Variants in SEPTIN9 observed in about 807,000 individuals in gnomAD.
SEPTIN9 encodes the protein septin 9.
In SEPTIN9, 13 loss-of-function variants were observed where a neutral mutation model predicts 56.6. The observed-to-expected ratio is 0.23, with a 90% CI of 0.15 to 0.37. The LOEUF is 0.37. Ranked by LOEUF, SEPTIN9 falls within the 10% of genes least tolerant of loss-of-function variation. SEPTIN9 has a pLI of 1.00. For missense variants in SEPTIN9, 650 were observed against 823.1 expected, an observed-to-expected ratio of 0.79 and a Z score of 2.57; for synonymous variants, 332 against 334.1, an observed-to-expected ratio of 0.99 and a Z score of 0.07.
At chr17:77,495,587 TGA>T (rs1481609924) in intron 10 of SEPTIN9, among the ~76,000 whole-genome samples, 1 of 152,170 alleles carries the variant, frequency 6.6e-6, no homozygotes, top group African/African-American at 2.4e-5. Flanking sequence ...ATGAGGAAAC[TGA>T]GGGAATGAGA....
chr17:77,385,355 C>A (rs1315856981), intron 2 of SEPTIN9, among the ~76,000 whole-genome samples: 1 of 151,462 alleles, frequency 6.6e-6, no homozygotes, highest in Non-Finnish European at 1.5e-5. Flanking sequence ...AGCCTCCATT[C>A]GGAGGCTGCT....
chr17:77,335,496 T>C (rs937684090), intron 2 of SEPTIN9, among the ~76,000 whole-genome samples: 6 of 150,266 alleles, frequency 4.0e-5, no homozygotes, highest in Non-Finnish European at 7.4e-5. Flanking sequence ...ATGTAGGCCC[T>C]ATGTTGACTG....
rs762421734 is a variant in SEPTIN9, at chr17:77,402,453, C to T, written c.471C>T (p.Pro157=). ...GGACGGAGATCACCATCGTCAAACCCCAGGAGTCAGCCCACCGGAGGATGG... is the reference window on the plus strand; with the variant it reads ...GGACGGAGATCACCATCGTCAAACCTCAGGAGTCAGCCCACCGGAGGATGG... The part of the protein sequence containing the change: ...PRRTEITIVK[P]QESAHRRMEP... The change falls in exon 3 of 12, where the codon CCC becomes CCT. Residue 157 remains proline (P), a synonymous_variant. Coordinates refer to ENST00000427177, the MANE Select transcript of SEPTIN9 (RefSeq NM_001113491.2). The surrounding 1 kb of genome is among the most constrained non-coding windows in gnomAD (Gnocchi z 6.6). 5.0e-6 allele frequency: 8 copies of T among 1,610,168 alleles called. No individual in the cohort carries two copies. In the South Asian group the frequency reaches 8.8e-5, roughly 18 times the overall value.
At chr17:77,479,908 T>G (rs2039382842) in intron 3 of SEPTIN9, among the ~76,000 whole-genome samples, 1 of 152,190 alleles carries the variant, frequency 6.6e-6, no homozygotes, top group Non-Finnish European at 1.5e-5. Context: ...CAAGGCCCCA[T>G]GTCTGGCTTC....
At chr17:77,447,569 T>C (rs918761693) in intron 3 of SEPTIN9, among the ~76,000 whole-genome samples, 1 of 152,224 alleles carries the variant, frequency 6.6e-6, no homozygotes, top group Non-Finnish European at 1.5e-5. Flanking sequence ...TCACAGTAAT[T>C]GATATCTTTG....
At chr17:77,483,299 C>A (rs1175254914) in intron 4 of SEPTIN9, 2 of 153,044 alleles carry the variant, frequency 1.3e-5, no homozygotes, top group African/African-American at 4.8e-5. Context: ...GGCCCTGGCT[C>A]CCCTGGGGTC....
intron 3 of SEPTIN9, among the ~76,000 whole-genome samples, chr17:77,442,933 G>C (rs2037604256): frequency 6.6e-6 from 1 of 151,896 alleles, no homozygotes. Flanking sequence ...TTTTTGGAAA[G>C]ATAAATAGGC....
At chr17:77,356,156 G>A (rs937309684) in intron 2 of SEPTIN9, among the ~76,000 whole-genome samples, 29 of 152,090 alleles carry the variant, frequency 1.9e-4, no homozygotes, top group Admixed American at 1.2e-3. Flanking sequence ...GGAAAGTCAC[G>A]TTTGGAAGAG....
intron 2 of SEPTIN9, among the ~76,000 whole-genome samples, chr17:77,339,816 G>GTT (rs112789192): frequency 9.1e-4 from 82 of 90,290 alleles, no homozygotes; most frequent in African/African-American, 2.9e-3. Context: ...GGCCCTATTT[G>GTT]TTTTTTTTTT....
chr17:77,432,486 G>A (rs1454819551), intron 3 of SEPTIN9, among the ~76,000 whole-genome samples: 1 of 152,238 alleles, frequency 6.6e-6, no homozygotes, highest in Non-Finnish European at 1.5e-5. Context: ...AGAGATGGGG[G>A]CTGTGCCCTG....
rs766201970 is a variant in SEPTIN9, at chr17:77,475,568, A to T, written c.722-6576A>T. 3.1e-6 allele frequency: 5 copies of T among 1,613,146 alleles called. No homozygotes were observed. In the African/African-American group the frequency reaches 6.7e-5, roughly 22 times the overall value. On this transcript the variant is annotated intron_variant, in intron 3 of 11. Transcript: ENST00000427177. This position sits in a 1 kb window ranked among gnomAD's most constrained non-coding sequence, Gnocchi z 4.6. ...CTGCAGGTGGCCGTAGGGCTGCCGC[A>T]GGGGTGCTGGCCCCAGGGTCTGGAT...
Position 77,372,709 on chromosome 17 carries a change from G to A in SEPTIN9, c.77-29350G>A, listed in dbSNP as rs556709926. Among the ~76,000 whole-genome samples the A allele has an allele frequency of 3.2e-3, 490 of 152,232 alleles. 1 individual carries two copies. The highest frequency in any genetic ancestry group is 0.011 in the African/African-American group (469 of 41,544). On this transcript the variant is annotated intron_variant, in intron 2 of 11. Coordinates refer to ENST00000427177, the MANE Select transcript of SEPTIN9 (RefSeq NM_001113491.2). ...CAGGGCTCACCCAGGAGGGTGCAGC[G>A]GTGGCCCCCGGGGCGGTGGTCGTGG...
chr17:77,482,935 A>G (rs1453492188), intron 4 of SEPTIN9: 2 of 202,720 alleles, frequency 9.9e-6, no homozygotes, highest in Non-Finnish European at 2.0e-5. Flanking sequence ...TTCAAACCTC[A>G]CAGGGACCCT....
intron 2 of SEPTIN9, among the ~76,000 whole-genome samples, chr17:77,387,325 C>T (rs573796546): frequency 6.6e-6 from 1 of 152,364 alleles, no homozygotes; most frequent in African/African-American, 2.4e-5. Flanking sequence ...CTCTGTGTCT[C>T]TGTGTCTCGT....
Position 77,365,741 on chromosome 17 carries a change from G to A in SEPTIN9, c.77-36318G>A, listed in dbSNP as rs760634332. 7.2e-5 allele frequency among the ~76,000 whole-genome samples: 11 copies of A among 152,326 alleles called. No individual in the cohort carries two copies. In the East Asian group the frequency reaches 2.1e-3, roughly 29 times the overall value. ...TCCTTCCACCTGCTGGGCCTTACGGGATGGGCAGAGGCATTGTTAGAACAT... is the reference window on the plus strand; with the variant it reads ...TCCTTCCACCTGCTGGGCCTTACGGAATGGGCAGAGGCATTGTTAGAACAT... On this transcript the variant is annotated intron_variant, in intron 2 of 11. Transcript: ENST00000427177.
rs1424188093 is a variant in SEPTIN9, at chr17:77,481,402, G to A, written c.722-742G>A. Among the ~76,000 whole-genome samples, 10 of 127,678 alleles carry A rather than the reference G, an allele frequency of 7.8e-5. No homozygotes were observed. In the Admixed American group the frequency reaches 8.0e-4, roughly 10 times the overall value. The allele number at this position is 127,678 out of a possible 152,430, so 83.8% of individuals were successfully genotyped here. ...CAGGGGGAGGCAGATGTGGTGCAGGGGCCCCCCTCCTCCATGAGCCCAGGA... is the reference window on the plus strand; with the variant it reads ...CAGGGGGAGGCAGATGTGGTGCAGGAGCCCCCCTCCTCCATGAGCCCAGGA... On this transcript the variant is annotated intron_variant, in intron 3 of 11. Transcript: ENST00000427177.
intron 2 of SEPTIN9, among the ~76,000 whole-genome samples, chr17:77,378,974 C>T (rs565967998): frequency 6.6e-5 from 10 of 152,168 alleles, no homozygotes; most frequent in African/African-American, 1.2e-4. Flanking sequence ...AGCCTGCGTT[C>T]GGCTCTGCAG....
intron 3 of SEPTIN9, among the ~76,000 whole-genome samples, chr17:77,419,048 C>G (rs2036603001): frequency 6.6e-6 from 1 of 152,214 alleles, no homozygotes; most frequent in Non-Finnish European, 1.5e-5. Context: ...AACCTGCTTC[C>G]TCTAGCAGCC....
At chr17:77,464,991 C>T (rs1598416631) in intron 3 of SEPTIN9, among the ~76,000 whole-genome samples, 1 of 152,340 alleles carries the variant, frequency 6.6e-6, no homozygotes, top group East Asian at 1.9e-4. Flanking sequence ...TAGCCAATCC[C>T]CATTCCCAAC....
Sources: allele counts gnomAD v4.1 joint callset (sites outside exome capture counted in the v4.1 genomes callset), GRCh38; gene constraint gnomAD v4.1.1; non-coding constraint Gnocchi (gnomAD v3.1); transcripts MANE v1.5; gene names NCBI Gene and HGNC (gene_info 2026-07-23, HGNC 2026-07-21).